Variants in AVL9 observed in about 807,000 individuals in gnomAD.
The protein encoded by AVL9 is AVL9 cell migration associated, also known as late secretory pathway protein AVL9 homolog.
In AVL9, 49 loss-of-function variants were observed where a neutral mutation model predicts 79.2. The observed-to-expected ratio is 0.62, with a 90% CI of 0.49 to 0.79. The LOEUF is 0.79. Among genes scored for constraint, AVL9 ranks in the 30% least tolerant of loss-of-function variants. The pLI, the probability that AVL9 is intolerant of heterozygous loss-of-function variation, is 0.00. For missense variants in AVL9, 682 were observed against 776.8 expected, an observed-to-expected ratio of 0.88 and a Z score of 1.45; for synonymous variants, 299 against 280.6, an observed-to-expected ratio of 1.07 and a Z score of -0.65.
At chr7:32,549,235 T>A (rs558292195) in intron 4 of AVL9, among the ~76,000 whole-genome samples, 10 of 150,120 alleles carry the variant, frequency 6.7e-5, no homozygotes, top group Non-Finnish European at 1.5e-4. Context: ...ATATAATTTT[T>A]TTTTTTTGAG....
At chr7:32,548,646 G>C (rs1264720193) in intron 3 of AVL9, among the ~76,000 whole-genome samples, 1 of 152,060 alleles carries the variant, frequency 6.6e-6, no homozygotes, top group Non-Finnish European at 1.5e-5. Flanking sequence ...TATATTCCCA[G>C]TGCCTCCCAC....
chr7:32,503,567 A>AAAAC (rs1485438735), intron 1 of AVL9, among the ~76,000 whole-genome samples: 5 of 149,816 alleles, frequency 3.3e-5, no homozygotes, highest in Admixed American at 2.0e-4. Flanking sequence ...AGGGAAAAAA[A>AAAAC]AAAAAAAAAC....
chr7:32,510,213 C>T (rs953530346), intron 1 of AVL9, among the ~76,000 whole-genome samples: 14 of 149,784 alleles, frequency 9.3e-5, no homozygotes, highest in African/African-American at 2.2e-4. Flanking sequence ...ATACGTGAGC[C>T]GTCAGGTCTG....
intron 11 of AVL9, among the ~76,000 whole-genome samples, chr7:32,571,459 T>C (rs147837830): frequency 0.07 from 10,489 of 150,634 alleles, 406 homozygotes; most frequent in Non-Finnish European, 0.086. Flanking sequence ...ACCCGGGTGG[T>C]AGAGGTTGCA....
At chr7:32,535,336 G>A (rs548609681) in intron 1 of AVL9, 166 of 152,296 alleles carry the variant, frequency 1.1e-3, no homozygotes, top group Middle Eastern at 6.8e-3. Context: ...AAAGTTCGAC[G>A]TCACCAATCT....
At chr7:32,577,215 G>A (rs1006135531) in intron 13 of AVL9, among the ~76,000 whole-genome samples, 3 of 151,972 alleles carry the variant, frequency 2.0e-5, no homozygotes, top group African/African-American at 7.3e-5. Context: ...GGTGCCTATA[G>A]TCCCAGCTAT....
chr7:32,533,481 A>G (rs891834293), intron 1 of AVL9: 5 of 152,212 alleles, frequency 3.3e-5, no homozygotes, highest in African/African-American at 1.2e-4. Context: ...CTTGACAAAT[A>G]CAGTGATTTG....
intron 1 of AVL9, among the ~76,000 whole-genome samples, chr7:32,498,395 T>A (rs1285014876): frequency 1.3e-5 from 2 of 151,956 alleles, no homozygotes; most frequent in Non-Finnish European, 2.9e-5. Context: ...ATTACAGGCA[T>A]GCACCACCGT....
intron 1 of AVL9, among the ~76,000 whole-genome samples, chr7:32,520,960 C>T (rs1447899922): frequency 1.3e-5 from 2 of 152,122 alleles, no homozygotes; most frequent in Non-Finnish European, 2.9e-5. Flanking sequence ...GAATAAGTCA[C>T]ACGAGATCTG....
rs1320911898 is a variant in AVL9, at chr7:32,579,429, T to C, written c.1689-790T>C. 2.1e-3 allele frequency among the ~76,000 whole-genome samples: 2 copies of C among 936 alleles called. 1 individual carries two copies. The highest frequency in any genetic ancestry group is 9.7e-3 in the African/African-American group (2 of 206). The allele number at this position is 936 out of a possible 152,430, so 0.6% of individuals were successfully genotyped here. A position where few individuals can be genotyped will look rare whatever the true frequency, so the allele number is the denominator to read the frequency against. ...TATATATAATATGTTATATATATAA[T>C]ATATATATTATATATAATATATTAT... On this transcript the variant is annotated intron_variant, in intron 13 of 15. Transcript: ENST00000318709.
chr7:32,570,751 G>T (rs1583593274), intron 11 of AVL9, among the ~76,000 whole-genome samples: 1 of 151,024 alleles, frequency 6.6e-6, no homozygotes, highest in South Asian at 2.1e-4. Context: ...TCCTGAGTAG[G>T]TTGGATTACA....
chr7:32,521,222 G>A (rs148962428), intron 1 of AVL9, among the ~76,000 whole-genome samples: 105 of 152,270 alleles, frequency 6.9e-4, no homozygotes, highest in African/African-American at 2.4e-3. Flanking sequence ...ATGTGGAAGC[G>A]ACTTTGGAAC....
chr7:32,581,124 C>T (rs1215115695), intron 15 of AVL9: 3 of 484,614 alleles, frequency 6.2e-6, no homozygotes, highest in African/African-American at 2.0e-5. Context: ...CACTGTTTTG[C>T]TACCAAGATT....
chr7:32,578,232 G>C (rs923872249), intron 13 of AVL9, among the ~76,000 whole-genome samples: 2 of 152,136 alleles, frequency 1.3e-5, no homozygotes, highest in African/African-American at 4.8e-5. Context: ...CCCTCAGAGA[G>C]AATTGATGGT....
intron 12 of AVL9, among the ~76,000 whole-genome samples, chr7:32,573,641 G>A (rs1365382742): frequency 6.6e-6 from 1 of 152,012 alleles, no homozygotes; most frequent in East Asian, 1.9e-4. Flanking sequence ...TGGTACTTTT[G>A]GTGGTCCTTT....
intron 10 of AVL9, among the ~76,000 whole-genome samples, chr7:32,563,443 A>G (rs1404953397): frequency 2.6e-5 from 4 of 151,102 alleles, no homozygotes; most frequent in Non-Finnish European, 5.9e-5. Context: ...ATTTTTCTCA[A>G]TATTTTTAAT....
rs1224969173 is a variant in AVL9, at chr7:32,509,512, T to G, written c.93+13710T>G. On this transcript the variant is annotated intron_variant, in intron 1 of 15. Coordinates refer to ENST00000318709, the MANE Select transcript of AVL9 (RefSeq NM_015060.3). ...CTCTGTCATCAGTCCTATAGTTTGC[T>G]TTGTGGTTTCAGACCAAGTTCCATT... Among the ~76,000 whole-genome samples the G allele has an allele frequency of 2.0e-5, 3 of 152,170 alleles. No individual in the cohort carries two copies. The East Asian group carries it at 5.8e-4, about 29-fold the overall frequency.
chr7:32,562,633 C>T, intron 10 of AVL9: 1 of 984,556 alleles, frequency 1.0e-6, no homozygotes, highest in Non-Finnish European at 1.2e-6. Context: ...TCAAAAGTTA[C>T]ACTGGACTGG....
rs117750431 is a variant in AVL9, at chr7:32,521,828, T to C, written c.94-21313T>C. On this transcript the variant is annotated intron_variant, in intron 1 of 15. Transcript: ENST00000318709. ...GGAAAAAGTGGTTTTGTGGGCCTGGTCCAGGGTCCCCTTGCTGTGTGCAAC... is the reference window on the plus strand; with the variant it reads ...GGAAAAAGTGGTTTTGTGGGCCTGGCCCAGGGTCCCCTTGCTGTGTGCAAC... 2.8e-3 allele frequency among the ~76,000 whole-genome samples: 430 copies of C among 152,242 alleles called. 9 individuals carry two copies. The East Asian group carries it at 0.048, about 17-fold the overall frequency.
Sources: gnomAD v4.1 joint callset for allele counts (sites outside exome capture counted in the v4.1 genomes callset) on GRCh38, gnomAD v4.1.1 for gene constraint, MANE v1.5 for transcripts, NCBI Gene and HGNC (gene_info 2026-07-23, HGNC 2026-07-21) for gene names.